ZNF827: variants seen among roughly 807,000 people sequenced by gnomAD.
ZNF827 encodes the protein zinc finger protein 827.
A neutral mutation model predicts 102.4 loss-of-function variants in ZNF827; 13 were observed. The observed-to-expected ratio is 0.13, with a 90% confidence interval of 0.08 to 0.20. The LOEUF is 0.20. ZNF827 is among the 10% of genes least tolerant of loss of function. The pLI is 1.00. For synonymous variants in ZNF827, 523 were observed against 536.2 expected, an observed-to-expected ratio of 0.98 and a Z score of 0.34; for missense variants, 1,103 against 1,344.4, an observed-to-expected ratio of 0.82 and a Z score of 2.81.
intron 8 of ZNF827, among the ~76,000 whole-genome samples, chr4:145,821,995 T>C (rs1013125816): frequency 2.0e-5 from 3 of 152,118 alleles, no homozygotes; most frequent in Non-Finnish European, 4.4e-5. Context: ...TATTTTGACA[T>C]TAGAAAGTCA....
intron 1 of ZNF827, among the ~76,000 whole-genome samples, chr4:145,911,131 G>A (rs1055743128): frequency 5.9e-5 from 9 of 152,176 alleles, no homozygotes; most frequent in African/African-American, 2.2e-4. Flanking sequence ...AGTCAAACAT[G>A]GAACAGGGAA....
At chr4:145,856,327 G>A (rs1241379169) in intron 5 of ZNF827, among the ~76,000 whole-genome samples, 2 of 152,086 alleles carry the variant, frequency 1.3e-5, no homozygotes, top group Admixed American at 1.3e-4. Flanking sequence ...TAAAGGATCG[G>A]CTTATTATAT....
Position 145,840,310 on chromosome 4 carries a change from C to T in ZNF827, c.2279+5646G>A, listed in dbSNP as rs72954639. On this transcript the variant is annotated intron_variant, in intron 7 of 14. Transcript: ENST00000508784. Reference sequence around the variant, plus strand: ...TGTGCACTGCACAAAAGCACCACATCTAGAGGGGCATGATTAACGTCACAG... The same window carrying T: ...TGTGCACTGCACAAAAGCACCACATTTAGAGGGGCATGATTAACGTCACAG... Among the ~76,000 whole-genome samples, 1,406 of 152,362 alleles carry T rather than the reference C, an allele frequency of 9.2e-3. 31 individuals are homozygous for T. The highest frequency in any genetic ancestry group is 0.032 in the African/African-American group (1,348 of 41,578).
At chr4:145,775,699 C>A in intron 10 of ZNF827, 90 bp downstream of exon 10, 1 of 1,491,128 alleles carries the variant, frequency 6.7e-7, no homozygotes. Flanking sequence ...GAAAAGGGGC[C>A]TCGTGATGTA....
At chr4:145,905,468 T>C (rs917590375) in intron 1 of ZNF827, among the ~76,000 whole-genome samples, 2 of 152,214 alleles carry the variant, frequency 1.3e-5, no homozygotes, top group Admixed American at 1.3e-4. Context: ...TGGAATTTGC[T>C]GGGAAAAAAA....
chr4:145,872,804 G>A (rs1335967570), intron 4 of ZNF827, among the ~76,000 whole-genome samples: 1 of 151,582 alleles, frequency 6.6e-6, no homozygotes, highest in African/African-American at 2.4e-5. Context: ...GAACCCAGGA[G>A]GCAGAGGTTG....
At chr4:145,847,628 A>G (rs1212075749) in intron 6 of ZNF827, among the ~76,000 whole-genome samples, 1 of 152,152 alleles carries the variant, frequency 6.6e-6, no homozygotes, top group African/African-American at 2.4e-5. Context: ...GCTTTCAAGA[A>G]CACAAAAGTT....
rs146888481 is a variant in ZNF827 at position 145,919,660 on chromosome 4, C to T, written c.44-16445G>A. Among the ~76,000 whole-genome samples, 15 of 152,348 alleles carry T rather than the reference C, an allele frequency of 9.8e-5. No individual in the cohort carries two copies. In the East Asian group the frequency reaches 2.7e-3, roughly 27 times the overall value. On this transcript the variant is annotated intron_variant, in intron 1 of 14. Coordinates refer to ENST00000508784, the MANE Select transcript of ZNF827 (RefSeq NM_001306215.2). ...AATATGAAGAATGCTCTGTCCCCCA[C>T]TACTGAAATCCATCATCCATAAAGT...
chr4:145,927,736 T>C (rs1317651103), intron 1 of ZNF827, among the ~76,000 whole-genome samples: 1 of 152,232 alleles, frequency 6.6e-6, no homozygotes, highest in Non-Finnish European at 1.5e-5. Context: ...CTGACACTGG[T>C]GACTACAAGC....
intron 1 of ZNF827, among the ~76,000 whole-genome samples, chr4:145,922,710 C>T (rs1335574357): frequency 6.6e-5 from 10 of 152,168 alleles, no homozygotes; most frequent in African/African-American, 1.7e-4. Context: ...AGTTAAGAGC[C>T]GAACTAGCCA....
intron 5 of ZNF827, 123 bp from the exon 6 acceptor site, chr4:145,849,684 A>C (rs1170313777): frequency 9.9e-6 from 14 of 1,421,166 alleles, no homozygotes; most frequent in African/African-American, 1.4e-5. Flanking sequence ...ATGAGCGTGC[A>C]CGGCACACTG....
intron 3 of ZNF827, among the ~76,000 whole-genome samples, chr4:145,889,805 C>G (rs1579487971): frequency 1.3e-5 from 2 of 152,056 alleles, no homozygotes; most frequent in Non-Finnish European, 2.9e-5. Flanking sequence ...GGTGAAACCT[C>G]GTCTCTACTA....
At chr4:145,787,601 A>G (rs1739072756) in intron 8 of ZNF827, among the ~76,000 whole-genome samples, 1 of 152,186 alleles carries the variant, frequency 6.6e-6, no homozygotes, top group East Asian at 1.9e-4. Context: ...AATGCTTAAC[A>G]AACTTAGTAA....
At chr4:145,853,956 A>T (rs1324059833) in intron 5 of ZNF827, among the ~76,000 whole-genome samples, 1 of 148,270 alleles carries the variant, frequency 6.7e-6, no homozygotes, top group Non-Finnish European at 1.5e-5. Context: ...CAGAGCAATT[A>T]AAAAAAAAAG....
In ZNF827 at chr4:145,775,774, C is replaced by A. The variant is rs375635922; in HGVS notation, c.2693+15G>T. 8.1e-6 allele frequency: 13 copies of A among 1,614,002 alleles called. No individual in the cohort carries two copies. The South Asian group carries it at 1.2e-4, about 15-fold the overall frequency. ...TCTGAGAAAGGCGGACTAGCATGTT[C>A]CATCTGCAACTCACCTGTAATAATA... On this transcript the variant is annotated intron_variant, in intron 10 of 14. Coordinates refer to ENST00000508784, the MANE Select transcript of ZNF827 (RefSeq NM_001306215.2).
At chr4:145,815,328 T>C (rs1412716193) in intron 8 of ZNF827, among the ~76,000 whole-genome samples, 2 of 152,170 alleles carry the variant, frequency 1.3e-5, no homozygotes, top group African/African-American at 4.8e-5. Flanking sequence ...TGTTTCTGAA[T>C]GATAAAGTGA....
intron 8 of ZNF827, among the ~76,000 whole-genome samples, chr4:145,797,037 A>C (rs1740457401): frequency 6.6e-6 from 1 of 152,140 alleles, no homozygotes; most frequent in Non-Finnish European, 1.5e-5. Context: ...CGTGTACTGG[A>C]TGCATGTAAT....
At chr4:145,916,673 G>A (rs1041504720) in intron 1 of ZNF827, among the ~76,000 whole-genome samples, 4 of 152,078 alleles carry the variant, frequency 2.6e-5, no homozygotes. Flanking sequence ...CTGCTACATG[G>A]CCAGGCTGAG....
intron 8 of ZNF827, among the ~76,000 whole-genome samples, chr4:145,784,885 C>T (rs1310270603): frequency 6.6e-6 from 1 of 152,094 alleles, no homozygotes; most frequent in Non-Finnish European, 1.5e-5. Context: ...AGGATTTTGT[C>T]TCTTATAAAG....
Sources: gnomAD v4.1 joint callset for allele counts (sites outside exome capture counted in the v4.1 genomes callset) on GRCh38, gnomAD v4.1.1 for gene constraint, MANE v1.5 for transcripts, NCBI Gene and HGNC (gene_info 2026-07-23, HGNC 2026-07-21) for gene names.